KIAA1217: variants seen among roughly 807,000 people sequenced by gnomAD.
KIAA1217 encodes sickle tail protein homolog.
KIAA1217 carries 88 observed loss-of-function variants against 163.9 expected under a neutral mutation model. The observed-to-expected ratio is 0.54, with a 90% CI of 0.45 to 0.64. The LOEUF (loss-of-function observed/expected upper bound fraction) is 0.64. Ranked by LOEUF, KIAA1217 falls within the 30% of genes least tolerant of loss-of-function variation. The pLI is 0.00. For synonymous variants in KIAA1217, 903 were observed against 923.1 expected, an observed-to-expected ratio of 0.98 and a Z score of 0.39; for missense variants, 2,372 against 2,475.0, an observed-to-expected ratio of 0.96 and a Z score of 0.88.
intron 3 of KIAA1217, among the ~76,000 whole-genome samples, chr10:24,400,536 T>C (rs2056401296): frequency 6.6e-6 from 1 of 152,034 alleles, no homozygotes; most frequent in Non-Finnish European, 1.5e-5. Flanking sequence ...GATGCTTTGG[T>C]TAAAAGAAGC....
chr10:24,406,040 A>G (rs949314745), intron 3 of KIAA1217, among the ~76,000 whole-genome samples: 2 of 152,204 alleles, frequency 1.3e-5, no homozygotes, highest in African/African-American at 4.8e-5. Context: ...CAAAGTGTGG[A>G]CAAAACTGAT....
chr10:24,391,427 C>A (rs1019453970), intron 3 of KIAA1217, among the ~76,000 whole-genome samples: 1 of 147,046 alleles, frequency 6.8e-6, no homozygotes, highest in Non-Finnish European at 1.5e-5. Context: ...CTCACTGCAA[C>A]CTCCACCTCT....
intron 2 of KIAA1217, among the ~76,000 whole-genome samples, chr10:24,315,333 G>A (rs11014022): frequency 0.082 from 12,445 of 152,128 alleles, 691 homozygotes; most frequent in East Asian, 0.19. Context: ...ATGATCTCCC[G>A]CTTCAGAAAG....
At chr10:23,884,717 A>G (rs1450741507) in intron 1 of KIAA1217, among the ~76,000 whole-genome samples, 1 of 151,936 alleles carries the variant, frequency 6.6e-6, no homozygotes, top group Non-Finnish European at 1.5e-5. Context: ...TGCCTCTCTA[A>G]TTATCCTACC....
intron 7 of KIAA1217, 50 bp from the exon 8 acceptor site, chr10:24,495,097 A>T: frequency 6.5e-7 from 1 of 1,530,140 alleles, no homozygotes; most frequent in Non-Finnish European, 8.9e-7. Flanking sequence ...AAAAAAAAAA[A>T]AAAGGCATTT....
intron 2 of KIAA1217, among the ~76,000 whole-genome samples, chr10:24,168,538 C>T (rs914316817): frequency 6.6e-6 from 1 of 152,126 alleles, no homozygotes; most frequent in African/African-American, 2.4e-5. Context: ...ACATGGGACA[C>T]CTACATTTTT....
At chr10:23,720,421 A>C (rs1430918126) in intron 1 of KIAA1217, among the ~76,000 whole-genome samples, 2 of 152,324 alleles carry the variant, frequency 1.3e-5, no homozygotes, top group East Asian at 3.9e-4. Context: ...TGACTAATAA[A>C]ACTGATTATA....
rs886450556 is a variant in KIAA1217, at chr10:24,128,737, G to A, written c.-170-90889G>A. On this transcript the variant is annotated intron_variant, in intron 2 of 18. Transcript: ENST00000376462. ...ACAGTCTTCTACCACCCATTAAGAC[G>A]AGCTGCAAGTTCATAGTTTATCAAG... is the stretch of plus-strand genomic sequence containing the variant. 5.9e-5 allele frequency among the ~76,000 whole-genome samples: 9 copies of A among 152,280 alleles called. No individual in the cohort carries two copies. The East Asian group carries it at 9.7e-4, about 16-fold the overall frequency.
chr10:24,085,384 C>G (rs559322627), intron 2 of KIAA1217, among the ~76,000 whole-genome samples: 2 of 152,194 alleles, frequency 1.3e-5, no homozygotes, highest in East Asian at 3.9e-4. Context: ...GATGACCTGA[C>G]CAGAGGAAAC....
Position 24,177,274 on chromosome 10 carries a change from T to TGTA in KIAA1217, c.-170-42352_-170-42351insGTA, listed in dbSNP as rs1311049087. ...TCTCACCATCATATATATATATATA[T>TGTA]ATATATATATATATATATATATATT... On this transcript the variant is annotated intron_variant, in intron 2 of 18. Transcript: ENST00000376462. 6.2e-4 allele frequency among the ~76,000 whole-genome samples: 61 copies of TGTA among 98,942 alleles called. 3 individuals carry two copies. The East Asian group carries it at 9.8e-3, about 16-fold the overall frequency. The allele number at this position is 98,942 out of a possible 152,430, so 64.9% of individuals were successfully genotyped here.
intron 1 of KIAA1217, among the ~76,000 whole-genome samples, chr10:23,755,661 T>G (rs1338950831): frequency 6.6e-6 from 1 of 152,176 alleles, no homozygotes; most frequent in South Asian, 2.1e-4. Flanking sequence ...GGGAGAAGAC[T>G]TAATAGGTTA....
At chr10:23,941,061 A>T (rs1054554869) in intron 1 of KIAA1217, among the ~76,000 whole-genome samples, 16 of 152,250 alleles carry the variant, frequency 1.1e-4, no homozygotes, top group African/African-American at 3.9e-4. Flanking sequence ...AAGTGCCTAC[A>T]GCCCTGCTAG....
At chr10:24,154,857 G>T (rs2064802343) in intron 2 of KIAA1217, among the ~76,000 whole-genome samples, 1 of 150,986 alleles carries the variant, frequency 6.6e-6, no homozygotes, top group South Asian at 2.1e-4. Flanking sequence ...CACCTGGGAG[G>T]CAAAGGTTGC....
At chr10:24,275,801 A>C (rs202216950) in intron 2 of KIAA1217, 121 of 507,384 alleles carry the variant, frequency 2.4e-4, no homozygotes, top group Non-Finnish European at 4.1e-4. Flanking sequence ...GACTTTTAGC[A>C]TCAGTGCAGT....
At chr10:23,876,372 G>A (rs1840694504) in intron 1 of KIAA1217, among the ~76,000 whole-genome samples, 1 of 151,652 alleles carries the variant, frequency 6.6e-6, no homozygotes, top group Non-Finnish European at 1.5e-5. Flanking sequence ...AAAACTTCCT[G>A]TTGGGTACTA....
intron 2 of KIAA1217, among the ~76,000 whole-genome samples, chr10:24,182,435 C>CCGCCACACA (rs1564799167): frequency 7.0e-6 from 1 of 142,612 alleles, no homozygotes; most frequent in Non-Finnish European, 1.5e-5. Context: ...GAGCAAGACT[C>CCGCCACACA]CATCACACAC....
rs113740504 is a variant in KIAA1217 at position 24,418,071 on chromosome 10, G to A, written c.554-14924G>A. Among the ~76,000 whole-genome samples the A allele has an allele frequency of 4.4e-3, 667 of 151,288 alleles. 1 individual carries two copies. The highest frequency in any genetic ancestry group is 0.015 in the African/African-American group (614 of 41,250). ...CCCGGGTCCTCCTGCCTCAGCCTCC[G>A]TAGTAGCTGGGACTACAGGCATCTG... is the stretch of plus-strand genomic sequence containing the variant. On this transcript the variant is annotated intron_variant, in intron 3 of 20. Transcript: ENST00000376454.
intron 6 of KIAA1217, among the ~76,000 whole-genome samples, chr10:24,480,131 T>TA (rs1471703616): frequency 1.3e-5 from 2 of 152,246 alleles, no homozygotes; most frequent in Non-Finnish European, 2.9e-5. Context: ...CTAGCCAGGA[T>TA]AATCAAAGAC....
At chr10:24,249,299 G>A (rs1442544898) in intron 2 of KIAA1217, among the ~76,000 whole-genome samples, 1 of 152,178 alleles carries the variant, frequency 6.6e-6, no homozygotes, top group East Asian at 1.9e-4. Context: ...TCTGACATTA[G>A]TTGGTTAACC....
Sources: gnomAD v4.1 joint callset for allele counts (sites outside exome capture counted in the v4.1 genomes callset) on GRCh38, gnomAD v4.1.1 for gene constraint, MANE v1.5 for transcripts, NCBI Gene and HGNC (gene_info 2026-07-23, HGNC 2026-07-21) for gene names.